CLEC16A: variants seen among roughly 807,000 people sequenced by gnomAD.
CLEC16A encodes C-type lectin domain containing 16A, also known as protein CLEC16A.
A neutral mutation model predicts 109.5 loss-of-function variants in CLEC16A; 51 were observed. That is an observed-to-expected ratio of 0.47 (90% CI 0.37 to 0.59). CLEC16A has a LOEUF of 0.59. CLEC16A is among the 20% of genes least tolerant of loss of function. The pLI, the probability that CLEC16A is intolerant of heterozygous loss-of-function variation, is 0.00. For synonymous variants in CLEC16A, 673 were observed against 564.2 expected (o/e 1.19, Z -2.73); for missense variants, 1,339 against 1,394.0 (o/e 0.96, Z 0.63).
intron 16 of CLEC16A, among the ~76,000 whole-genome samples, chr16:11,046,237 G>A (rs2047628176): frequency 6.6e-6 from 1 of 152,060 alleles, no homozygotes; most frequent in Non-Finnish European, 1.5e-5. Flanking sequence ...ATTAACAAAA[G>A]GAGAGCTTTA....
intron 4 of CLEC16A, among the ~76,000 whole-genome samples, chr16:10,970,351 C>T (rs545295743): frequency 1.4e-4 from 22 of 152,324 alleles, no homozygotes; most frequent in African/African-American, 5.1e-4. Context: ...CCTCATGTTT[C>T]CCTGCATCCC....
intron 22 of CLEC16A, among the ~76,000 whole-genome samples, chr16:11,161,198 C>G (rs1355669551): frequency 6.6e-6 from 1 of 152,150 alleles, no homozygotes; most frequent in Non-Finnish European, 1.5e-5. Flanking sequence ...CACTAAATAC[C>G]TAAACATCTT....
chr16:10,996,504 A>C (rs867852377), intron 10 of CLEC16A, among the ~76,000 whole-genome samples: 2 of 152,080 alleles, frequency 1.3e-5, no homozygotes, highest in East Asian at 3.9e-4. Flanking sequence ...CTTTCCTACT[A>C]TTCTTTCCTT....
intron 4 of CLEC16A, among the ~76,000 whole-genome samples, chr16:10,970,911 C>T (rs1221746033): frequency 6.6e-6 from 1 of 151,370 alleles, no homozygotes; most frequent in East Asian, 1.9e-4. Flanking sequence ...ACCACACGGA[C>T]TTGGACTCTT....
At chr16:11,138,342 G>A (rs758314494) in intron 22 of CLEC16A, among the ~76,000 whole-genome samples, 24 of 152,348 alleles carry the variant, frequency 1.6e-4, no homozygotes, top group Non-Finnish European at 2.9e-4. Context: ...TGAACAGAGA[G>A]CTGGGAAGCT....
chr16:10,966,234 A>G (rs1387065304), intron 3 of CLEC16A, among the ~76,000 whole-genome samples: 1 of 152,204 alleles, frequency 6.6e-6, no homozygotes, highest in African/African-American at 2.4e-5. Context: ...GAAGGAATGA[A>G]CTACTACCAT....
intron 19 of CLEC16A, among the ~76,000 whole-genome samples, chr16:11,097,878 G>T (rs534142713): frequency 3.3e-5 from 5 of 152,248 alleles, no homozygotes; most frequent in Non-Finnish European, 5.9e-5. Flanking sequence ...ACCAACTTCA[G>T]TGTTGGCTCA....
chr16:10,997,517 A>C (rs1387664134), intron 10 of CLEC16A, among the ~76,000 whole-genome samples: 2 of 152,236 alleles, frequency 1.3e-5, no homozygotes, highest in Non-Finnish European at 2.9e-5. Flanking sequence ...GTGATAAAAT[A>C]AACATAAAAT....
At chr16:11,126,255 G>A (rs532658064) in intron 22 of CLEC16A, 109 bp downstream of exon 22, 27 of 1,562,274 alleles carry the variant, frequency 1.7e-5, no homozygotes, top group African/African-American at 5.4e-5. Context: ...CAGAAGCCCC[G>A]TCGGCTGGCA....
chr16:11,146,517 G>A (rs2054063671), intron 22 of CLEC16A, among the ~76,000 whole-genome samples: 1 of 148,196 alleles, frequency 6.7e-6, no homozygotes, highest in South Asian at 2.3e-4. Flanking sequence ...GGGAGGGAGG[G>A]AGGGATGGGT....
At chr16:10,986,458 A>G (rs1311239715) in intron 10 of CLEC16A, among the ~76,000 whole-genome samples, 2 of 152,176 alleles carry the variant, frequency 1.3e-5, no homozygotes, top group Non-Finnish European at 2.9e-5. Flanking sequence ...TTTATCTTGC[A>G]TACTGAAACT....
chr16:11,104,518 G>A (rs1282309008), intron 19 of CLEC16A, among the ~76,000 whole-genome samples: 1 of 152,160 alleles, frequency 6.6e-6, no homozygotes, highest in East Asian at 1.9e-4. Context: ...GCCAGGATCT[G>A]CTCTCTGGAA....
chr16:11,075,683 T>A (rs1285425291), intron 19 of CLEC16A, among the ~76,000 whole-genome samples: 12 of 152,010 alleles, frequency 7.9e-5, no homozygotes, highest in Admixed American at 7.9e-4. Flanking sequence ...GCGGTCCTCT[T>A]GCCTCAGCCT....
chr16:11,078,418 T>C (rs1241022648), intron 19 of CLEC16A, among the ~76,000 whole-genome samples: 1 of 152,214 alleles, frequency 6.6e-6, no homozygotes, highest in African/African-American at 2.4e-5. Flanking sequence ...TTTGCTGCTT[T>C]CCATGAATTC....
intron 19 of CLEC16A, among the ~76,000 whole-genome samples, chr16:11,116,282 C>T (rs1191133812): frequency 6.6e-6 from 1 of 151,598 alleles, no homozygotes; most frequent in Non-Finnish European, 1.5e-5. Context: ...ATAATCCTAG[C>T]TATTAGGGAG....
chr16:11,160,518 C>G (rs2054685470), intron 22 of CLEC16A, among the ~76,000 whole-genome samples: 1 of 152,170 alleles, frequency 6.6e-6, no homozygotes, highest in Non-Finnish European at 1.5e-5. Context: ...GCCCCTTTCC[C>G]TCTTTCCCTT....
chr16:10,977,940 A>T (rs540721462), intron 8 of CLEC16A, among the ~76,000 whole-genome samples: 70 of 152,310 alleles, frequency 4.6e-4, no homozygotes, highest in Non-Finnish European at 9.0e-4. Context: ...AAGATTACCG[A>T]CATCAGGAGG....
chr16:10,981,655 A>G (rs2043327218), intron 9 of CLEC16A, among the ~76,000 whole-genome samples: 1 of 152,208 alleles, frequency 6.6e-6, no homozygotes, highest in Admixed American at 6.5e-5. Flanking sequence ...TCACTTTTTA[A>G]AAAATAATTT....
chr16:11,079,955 C>T (rs1365527358), intron 19 of CLEC16A, among the ~76,000 whole-genome samples: 1 of 152,182 alleles, frequency 6.6e-6, no homozygotes, highest in Non-Finnish European at 1.5e-5. Flanking sequence ...TTGATGCAGC[C>T]CCTGTTGCCA....
Sources: gnomAD v4.1 joint callset for allele counts (sites outside exome capture counted in the v4.1 genomes callset) on GRCh38, gnomAD v4.1.1 for gene constraint, MANE v1.5 for transcripts, NCBI Gene and HGNC (gene_info 2026-07-23, HGNC 2026-07-21) for gene names.